FRMPD1: variants seen among roughly 807,000 people sequenced by gnomAD.
FRMPD1 encodes FERM and PDZ domain-containing protein 1.
In FRMPD1, 76 loss-of-function variants were observed where a neutral mutation model predicts 117.8. That is an observed-to-expected ratio of 0.65 (90% CI 0.54 to 0.78). The LOEUF is 0.78. Among genes scored for constraint, FRMPD1 ranks in the 30% least tolerant of loss-of-function variants. The pLI is 0.00. For missense variants in FRMPD1, 1,786 were observed against 1,964.5 expected (o/e 0.91, Z 1.72); for synonymous variants, 783 against 770.4 (o/e 1.02, Z -0.27).
chr9:37,726,692 C>CG (rs1823631210), intron 7 of FRMPD1, among the ~76,000 whole-genome samples: 1 of 151,774 alleles, frequency 6.6e-6, no homozygotes, highest in South Asian at 2.1e-4. Context: ...GAGCGAAACT[C>CG]CATCTCAAAA....
chr9:37,658,779 G>C (rs1489903747), intron 1 of FRMPD1, among the ~76,000 whole-genome samples: 1 of 152,198 alleles, frequency 6.6e-6, no homozygotes, highest in Non-Finnish European at 1.5e-5. Context: ...GTCATCTAAA[G>C]ATCATTAATT....
chr9:37,741,835 C>G (rs1824438000), intron 15 of FRMPD1, among the ~76,000 whole-genome samples: 1 of 152,174 alleles, frequency 6.6e-6, no homozygotes, highest in Admixed American at 6.5e-5. Context: ...GACCGAAACA[C>G]TCCTCCCCAG....
At chr9:37,732,191 C>T (rs1201345131) in intron 9 of FRMPD1, 113 bp from the exon 10 acceptor site, 3 of 1,102,858 alleles carry the variant, frequency 2.7e-6, no homozygotes, top group South Asian at 1.3e-5. Flanking sequence ...CAAGAACTGT[C>T]AGAGCCAGCT....
rs1337317473 is a variant in FRMPD1 at position 37,746,381 on chromosome 9, A to G, written c.4349A>G (p.Lys1450Arg). The stretch of plus-strand genomic sequence containing the variant: ...GTTGGAAACAAACATCCCCCAGAGA[A>G]GTGCACCTGGCACTTTACCGAAAGC... ...WGVGNKHPPE[K>R]CTWHFTESRS... The change falls in exon 16 of 16, where the codon AAG becomes AGG. Residue 1450 changes from lysine to arginine, a missense_variant. Physicochemically the swap from Lys to Arg is conservative, Grantham distance 26 (BLOSUM62 2). Transcript: ENST00000377765. The G allele has an allele frequency of 1.2e-6, 2 of 1,612,938 alleles. No individual in the cohort carries two copies. Among genetic ancestry groups the G allele is most frequent in the African/African-American group, 2.7e-5 (2 of 75,036 alleles).
intron 5 of FRMPD1, among the ~76,000 whole-genome samples, chr9:37,715,037 CT>C (rs1009573546): frequency 6.6e-6 from 1 of 152,094 alleles, no homozygotes; most frequent in Non-Finnish European, 1.5e-5. Flanking sequence ...TCTTGGAGTC[CT>C]CAGATTACTT....
intron 1 of FRMPD1, among the ~76,000 whole-genome samples, chr9:37,677,282 G>A (rs1006900099): frequency 6.6e-6 from 1 of 152,212 alleles, no homozygotes; most frequent in Non-Finnish European, 1.5e-5. Flanking sequence ...TTGTGCTGTG[G>A]TGGTGGTTGT....
chr9:37,620,352 C>T, the FRMPD1 span, among the ~76,000 whole-genome samples: 12 of 152,190 alleles, frequency 7.9e-5, no homozygotes, highest in South Asian at 2.5e-3. Context: ...GAGGCAGATG[C>T]CTTAATTACC....
the FRMPD1 span, among the ~76,000 whole-genome samples, chr9:37,622,302 C>T: frequency 2.0e-5 from 3 of 152,248 alleles, no homozygotes; most frequent in Non-Finnish European, 4.4e-5. Context: ...GCATTGTTAT[C>T]GTTTTGCTTT....
upstream of FRMPD1, among the ~76,000 whole-genome samples, chr9:37,647,654 A>G (rs1348782878): frequency 9.2e-5 from 14 of 152,218 alleles, no homozygotes; most frequent in African/African-American, 3.4e-4. Flanking sequence ...TAAATAAGAC[A>G]TTGTATTTCT....
chr9:37,737,389 TA>T (rs1417708135), intron 14 of FRMPD1, 146 bp downstream of exon 14: 2 of 656,876 alleles, frequency 3.0e-6, no homozygotes, highest in Non-Finnish European at 5.1e-6. Context: ...TATTTCCTAG[TA>T]AACAATTGAT....
At chr9:37,654,126 C>A (rs923238238) in intron 1 of FRMPD1, among the ~76,000 whole-genome samples, 2 of 152,176 alleles carry the variant, frequency 1.3e-5, no homozygotes, top group African/African-American at 4.8e-5. Flanking sequence ...GAGAATACAT[C>A]GGAACAAAAG....
chr9:37,685,718 C>T (rs1331091627), intron 1 of FRMPD1, among the ~76,000 whole-genome samples: 1 of 152,128 alleles, frequency 6.6e-6, no homozygotes, highest in Non-Finnish European at 1.5e-5. Context: ...TCCATTTTCT[C>T]CGCTAGCCCT....
the FRMPD1 span, among the ~76,000 whole-genome samples, chr9:37,626,500 C>CAAAAA: frequency 2.3e-5 from 2 of 87,270 alleles, no homozygotes; most frequent in Non-Finnish European, 4.6e-5. Flanking sequence ...GACTTAGTCT[C>CAAAAA]AAAAAAAAAA....
the FRMPD1 span, among the ~76,000 whole-genome samples, chr9:37,607,620 T>C: frequency 6.6e-6 from 1 of 152,222 alleles, no homozygotes; most frequent in South Asian, 2.1e-4. Context: ...TTGGATTGTT[T>C]GAACCATTCA....
At chr9:37,667,437 C>G (rs1821197803) in intron 1 of FRMPD1, among the ~76,000 whole-genome samples, 1 of 150,320 alleles carries the variant, frequency 6.7e-6, no homozygotes, top group South Asian at 2.1e-4. Context: ...CTTCGGGAGG[C>G]TGAGGCGGGC....
At chr9:37,657,983 G>A (rs544134511) in intron 1 of FRMPD1, among the ~76,000 whole-genome samples, 1 of 151,928 alleles carries the variant, frequency 6.6e-6, no homozygotes, top group Non-Finnish European at 1.5e-5. Context: ...CTCGGCAATG[G>A]TTGCCCCATT....
intron 14 of FRMPD1, among the ~76,000 whole-genome samples, chr9:37,738,674 G>A (rs551907589): frequency 2.0e-4 from 31 of 152,130 alleles, no homozygotes; most frequent in African/African-American, 6.5e-4. Flanking sequence ...ATTTATGAAC[G>A]AGGGGTGACT....
intron 2 of FRMPD1, among the ~76,000 whole-genome samples, chr9:37,706,230 T>C (rs1349125095): frequency 1.3e-5 from 2 of 152,144 alleles, no homozygotes; most frequent in African/African-American, 2.4e-5. Flanking sequence ...CCTTGGTGGA[T>C]AGTGTACACG....
the FRMPD1 span, among the ~76,000 whole-genome samples, chr9:37,618,188 G>T: frequency 1.3e-5 from 2 of 152,214 alleles, no homozygotes; most frequent in South Asian, 4.1e-4. Context: ...ACTTGGAATT[G>T]AATGACTTTT....
Sources: allele counts gnomAD v4.1 joint callset (sites outside exome capture counted in the v4.1 genomes callset), GRCh38; gene constraint gnomAD v4.1.1; transcripts MANE v1.5; gene names NCBI Gene and HGNC (gene_info 2026-07-23, HGNC 2026-07-21).